Variants in CKMT2 observed in about 807,000 individuals in gnomAD.
The protein encoded by CKMT2 is creatine kinase S-type, mitochondrial.
CKMT2 carries 43 observed loss-of-function variants against 48.9 expected under a neutral mutation model. The ratio of observed to expected loss-of-function variants is 0.88; its 90% CI spans 0.69 to 1.13. CKMT2 has a LOEUF of 1.13. Ranked by LOEUF, CKMT2 falls within the 50% of genes most tolerant of loss-of-function variation. The probability of loss-of-function intolerance (pLI) is 0.00; values close to 1 mark genes in which losing one functional copy is unlikely to be tolerated. For missense variants in CKMT2, 472 were observed against 555.4 expected, an observed-to-expected ratio of 0.85 and a Z score of 1.51; for synonymous variants, 206 against 213.0, an observed-to-expected ratio of 0.97 and a Z score of 0.29.
At chr5:81,262,544 A>G (rs1757260522) in intron 8 of CKMT2, among the ~76,000 whole-genome samples, 1 of 152,262 alleles carries the variant, frequency 6.6e-6, no homozygotes, top group South Asian at 2.1e-4. Flanking sequence ...ACTTCTCAAA[A>G]GAAGACATTT....
At chr5:81,248,433 T>G (rs1756684425) in intron 1 of CKMT2, among the ~76,000 whole-genome samples, 1 of 152,172 alleles carries the variant, frequency 6.6e-6, no homozygotes, top group African/African-American at 2.4e-5. Context: ...GAGGGTGTGA[T>G]GGCAAATAAG....
At chr5:81,254,918 G>A (rs1024797454) in intron 4 of CKMT2, 75 bp from the exon 5 acceptor site, 11 of 1,247,034 alleles carry the variant, frequency 8.8e-6, no homozygotes, top group African/African-American at 5.9e-5. Flanking sequence ...GCAGATTGGC[G>A]ATTAGAACCC....
intron 1 of CKMT2, among the ~76,000 whole-genome samples, chr5:81,240,237 C>A (rs550572680): frequency 6.6e-6 from 1 of 152,298 alleles, no homozygotes; most frequent in African/African-American, 2.4e-5. Context: ...TGGAGTGACA[C>A]CTGTGTGCTG....
At chr5:81,233,528 G>A in intron 1 of CKMT2, 151 bp downstream of exon 1, 1 of 492,148 alleles carries the variant, frequency 2.0e-6, no homozygotes, top group Non-Finnish European at 2.6e-6. Context: ...ACTCGCTAAA[G>A]CCAGCAGAGC....
At chr5:81,252,587 C>A in intron 2 of CKMT2, 108 bp from the exon 3 acceptor site, 1 of 1,113,416 alleles carries the variant, frequency 9.0e-7, no homozygotes, top group Non-Finnish European at 1.3e-6. Flanking sequence ...ATCCCTGTGC[C>A]CACTGGCTGA....
In CKMT2 at chr5:81,252,748, C is replaced by A. The variant is rs1476774441; in HGVS notation, c.206C>A (p.Thr69Asn). 1 of 1,614,226 alleles carries A rather than the reference C, an allele frequency of 6.2e-7. No individual in the cohort carries two copies. Among genetic ancestry groups the A allele is most frequent in the Non-Finnish European group, 8.5e-7 (1 of 1,180,040 alleles). Reference sequence around the variant, plus strand: ...AACAACTGCATGGCCGAGTGCCTCACCCCCGCCATTTATGCCAAGCTTCGC... The same window carrying A: ...AACAACTGCATGGCCGAGTGCCTCAACCCCGCCATTTATGCCAAGCTTCGC... ...KHNNCMAECL[T>N]PAIYAKLRNK... Residue 69 changes from threonine (T) to asparagine (N), a missense_variant, in exon 3 of 10, where the codon ACC becomes AAC. Physicochemically the swap from Thr to Asn is moderately conservative, Grantham distance 65. Transcript: ENST00000254035.
In CKMT2 at chr5:81,259,264, T is replaced by C. The variant is rs779657027; in HGVS notation, c.1014+10T>C. On this transcript the variant is annotated intron_variant, in intron 8 of 9. Coordinates refer to ENST00000254035, the MANE Select transcript of CKMT2 (RefSeq NM_001099735.2). ...CCCAAAGCTCAGCAAGGTACTGTTA[T>C]GTGCCCAGTGGCCCTGATGGGCCAG... The C allele has an allele frequency of 3.1e-6, 5 of 1,610,172 alleles. No individual in the cohort carries two copies. The highest frequency in any genetic ancestry group is 2.7e-5 in the African/African-American group (2 of 74,820).
intron 1 of CKMT2, among the ~76,000 whole-genome samples, chr5:81,249,437 C>G (rs945301206): frequency 5.9e-5 from 9 of 152,170 alleles, no homozygotes; most frequent in African/African-American, 2.2e-4. Context: ...GAACTACGTA[C>G]TCTTTTGTTC....
At chr5:81,244,526 C>T (rs936234378) in intron 1 of CKMT2, among the ~76,000 whole-genome samples, 15 of 152,168 alleles carry the variant, frequency 9.9e-5, no homozygotes, top group African/African-American at 2.9e-4. Flanking sequence ...TACAGTTACA[C>T]GAAATGAGGC....
chr5:81,255,551 G>C (rs1486904470), intron 5 of CKMT2, among the ~76,000 whole-genome samples: 1 of 152,206 alleles, frequency 6.6e-6, no homozygotes, highest in Non-Finnish European at 1.5e-5. Context: ...AATCCTGTCT[G>C]TGTCCAGAAG....
At chr5:81,260,586 C>T (rs181228397) in intron 8 of CKMT2, among the ~76,000 whole-genome samples, 253 of 152,290 alleles carry the variant, frequency 1.7e-3, no homozygotes, top group Non-Finnish European at 2.6e-3. Context: ...ACTATAAACA[C>T]CTCTGTGCAA....
chr5:81,240,030 C>T (rs1205466497), intron 1 of CKMT2, among the ~76,000 whole-genome samples: 3 of 152,060 alleles, frequency 2.0e-5, no homozygotes, highest in South Asian at 2.1e-4. Flanking sequence ...TCTCTACCCC[C>T]TCCTCACCCC....
At chr5:81,251,528 T>C (rs1756814910) in intron 2 of CKMT2, among the ~76,000 whole-genome samples, 1 of 152,022 alleles carries the variant, frequency 6.6e-6, no homozygotes, top group Non-Finnish European at 1.5e-5. Context: ...GCGGAGGTTG[T>C]TGTGAGCCGA....
In CKMT2 at chr5:81,257,842, C is replaced by T. The variant is rs1053102910; in HGVS notation, c.865C>T (p.Arg289Cys). The T allele has an allele frequency of 9.3e-6, 15 of 1,612,602 alleles. No individual in the cohort carries two copies. Among genetic ancestry groups the T allele is most frequent in the South Asian group, 2.2e-5 (2 of 90,918 alleles). The change falls in exon 7 of 10, where the codon CGT becomes TGT. Residue 289 changes from arginine to cysteine, a missense_variant. Arg to Cys is a radical substitution (Grantham distance 180, BLOSUM62 -3). Transcript: ENST00000254035. ...NMKRVFERFCRGLKEVERLIQ... is the reference protein window; with the variant it reads ...NMKRVFERFCCGLKEVERLIQ... ...GAAACGAGTATTTGAGCGATTCTGT[C>T]GTGGACTAAAAGAAGTAAGATGTTA... is the stretch of plus-strand genomic sequence containing the variant.
intron 1 of CKMT2, among the ~76,000 whole-genome samples, chr5:81,235,133 C>T (rs1026386154): frequency 6.6e-6 from 1 of 152,178 alleles, no homozygotes; most frequent in Non-Finnish European, 1.5e-5. Context: ...AGTCTGGTAA[C>T]GGTCCCATGC....
At chr5:81,257,936 G>T in intron 7 of CKMT2, 80 bp downstream of exon 7, 1 of 1,392,062 alleles carries the variant, frequency 7.2e-7, no homozygotes, top group Non-Finnish European at 9.7e-7. Flanking sequence ...AGACACTATG[G>T]TAACTTCCAA....
chr5:81,248,304 T>G (rs904049972), intron 1 of CKMT2, among the ~76,000 whole-genome samples: 1 of 152,242 alleles, frequency 6.6e-6, no homozygotes, highest in East Asian at 1.9e-4. Context: ...CATGTCTGGC[T>G]TATGTTTAGG....
At chr5:81,235,682 G>C (rs1053129741) in intron 1 of CKMT2, 1 of 152,186 alleles carries the variant, frequency 6.6e-6, no homozygotes, top group Non-Finnish European at 1.5e-5. Context: ...ATTAAGACCA[G>C]GATCTGAACT....
intron 5 of CKMT2, among the ~76,000 whole-genome samples, chr5:81,255,595 G>A (rs1234287900): frequency 1.3e-5 from 2 of 152,104 alleles, no homozygotes; most frequent in Non-Finnish European, 2.9e-5. Context: ...AGAAAATCCT[G>A]GAAGCTACAA....
Sources: gnomAD v4.1 joint callset for allele counts (sites outside exome capture counted in the v4.1 genomes callset) on GRCh38, gnomAD v4.1.1 for gene constraint, MANE v1.5 for transcripts, NCBI Gene and HGNC (gene_info 2026-07-23, HGNC 2026-07-21) for gene names.